The following SLC5A10 variants were observed in gnomAD, a reference collection of about 807,000 sequenced individuals.
The protein encoded by SLC5A10 is sodium/mannose cotransporter SLC5A10.
A neutral mutation model predicts 68.9 loss-of-function variants in SLC5A10; 55 were observed. The ratio of observed to expected loss-of-function variants is 0.80; its 90% CI spans 0.64 to 1.00. The LOEUF (loss-of-function observed/expected upper bound fraction) is 1.00, where lower values mean the gene tolerates loss of function less well. Ranked by LOEUF, SLC5A10 falls within the 50% of genes least tolerant of loss-of-function variation. SLC5A10 has a pLI of 0.00. For missense variants in SLC5A10, 732 were observed against 819.3 expected (o/e 0.89, Z 1.30); for synonymous variants, 344 against 344.8 (o/e 1.00, Z 0.02).
At chr17:18,988,179 A>C (rs1417839715) in intron 9 of SLC5A10, 5 of 1,570,106 alleles carry the variant, frequency 3.2e-6, no homozygotes, top group Non-Finnish European at 4.3e-6. Flanking sequence ...CAGGTACTCG[A>C]AGTGTTTGTT....
Position 19,020,447 on chromosome 17 carries a change from C to G in SLC5A10, c.*16C>G, listed in dbSNP as rs1292178742. ...CTTCGCCTGACACTGCCATCCTGGACAGAAAGGCAGGAGCTCTGAGTCCTC... is the reference window on the plus strand; with the variant it reads ...CTTCGCCTGACACTGCCATCCTGGAGAGAAAGGCAGGAGCTCTGAGTCCTC... On this transcript the variant is annotated 3_prime_UTR_variant, in exon 15 of 15. Coordinates refer to ENST00000395645, the MANE Select transcript of SLC5A10 (RefSeq NM_001042450.4). 6.2e-7 allele frequency: 1 copy of G among 1,611,728 alleles called. No individual in the cohort carries two copies. The highest frequency in any genetic ancestry group is 1.7e-5 in the Admixed American group (1 of 60,006).
chr17:18,990,763 A>T (rs2043399855), intron 9 of SLC5A10, among the ~76,000 whole-genome samples: 3 of 151,446 alleles, frequency 2.0e-5, no homozygotes, highest in Admixed American at 2.0e-4. Context: ...TGTAACAGGC[A>T]CGAGCTTATG....
At chr17:18,983,942 T>C (rs530334827) in intron 9 of SLC5A10, among the ~76,000 whole-genome samples, 1 of 152,310 alleles carries the variant, frequency 6.6e-6, no homozygotes, top group South Asian at 2.1e-4. Context: ...CCCGGCAGTG[T>C]AGGATGTTTA....
intron 5 of SLC5A10, 55 bp downstream of exon 5, chr17:18,960,707 G>A: frequency 1.3e-6 from 2 of 1,523,762 alleles, no homozygotes; most frequent in Non-Finnish European, 1.8e-6. Context: ...CCAATCTGTG[G>A]GCCCCTCAAG....
chr17:19,005,036 T>G (rs1390653266), intron 9 of SLC5A10, among the ~76,000 whole-genome samples: 1 of 152,200 alleles, frequency 6.6e-6, no homozygotes, highest in Non-Finnish European at 1.5e-5. Flanking sequence ...GGCACCCCCC[T>G]GTGCCCCCAG....
At chr17:19,008,011 T>C (rs1221310148) in intron 9 of SLC5A10, among the ~76,000 whole-genome samples, 1 of 152,338 alleles carries the variant, frequency 6.6e-6, no homozygotes, top group East Asian at 1.9e-4. Context: ...TAGTGCTCTT[T>C]GAGAAAGTTC....
At chr17:18,992,519 C>T (rs2043454204) in intron 9 of SLC5A10, among the ~76,000 whole-genome samples, 1 of 152,336 alleles carries the variant, frequency 6.6e-6, no homozygotes, top group South Asian at 2.1e-4. Context: ...TGGCTGCTGG[C>T]GTTGGGGGTG....
intron 4 of SLC5A10, 75 bp downstream of exon 4, chr17:18,959,738 A>T (rs2042574821): frequency 1.4e-6 from 2 of 1,389,814 alleles, no homozygotes; most frequent in Non-Finnish European, 2.0e-6. Flanking sequence ...GGGCAGGACC[A>T]CCGTGGCCTC....
chr17:19,009,433 T>C (rs1279536430), intron 9 of SLC5A10, among the ~76,000 whole-genome samples: 1 of 151,410 alleles, frequency 6.6e-6, no homozygotes, highest in Non-Finnish European at 1.5e-5. Flanking sequence ...ATTGGTCAGG[T>C]TGGTCTTGAA....
chr17:19,003,450 G>C lies in SLC5A10; in HGVS notation c.983-9960G>C. ...GTTGGGCTCCCGTTTTGGGCTCTGA[G>C]TGAGCCTGTATTGAGAGGGGTCCGG... On this transcript the variant is annotated intron_variant, in intron 9 of 14. Coordinates refer to ENST00000395645, the MANE Select transcript of SLC5A10 (RefSeq NM_001042450.4). The surrounding 1 kb of genome is among the most constrained non-coding windows in gnomAD (Gnocchi z 4.5). 6.9e-7 allele frequency: 1 copy of C among 1,455,156 alleles called. No homozygotes were observed. The highest frequency in any genetic ancestry group is 9.1e-7 in the Non-Finnish European group (1 of 1,099,322). The allele number at this position is 1,455,156 out of a possible 1,614,324, so 90.1% of individuals were successfully genotyped here. A position where few individuals can be genotyped will look rare whatever the true frequency, so the allele number is the denominator to read the frequency against.
In SLC5A10 at chr17:18,996,981, C is replaced by T. The variant is rs948039022; in HGVS notation, c.983-16429C>T. ...CCCACTCTAAGCCTCAGCTTCTCTTCTTGGTAACATGGGGAGTGAAACTGG... is the reference window on the plus strand; with the variant it reads ...CCCACTCTAAGCCTCAGCTTCTCTTTTTGGTAACATGGGGAGTGAAACTGG... On this transcript the variant is annotated intron_variant, in intron 9 of 14. Coordinates refer to ENST00000395645, the MANE Select transcript of SLC5A10 (RefSeq NM_001042450.4). The surrounding 1 kb of genome is among the most constrained non-coding windows in gnomAD (Gnocchi z 4.4). Among the ~76,000 whole-genome samples, 5 of 152,242 alleles carry T rather than the reference C, an allele frequency of 3.3e-5. No individual in the cohort carries two copies. Among genetic ancestry groups the T allele is most frequent in the African/African-American group, 1.2e-4 (5 of 41,466 alleles).
chr17:18,982,588 G>T (rs1480551063), intron 9 of SLC5A10, among the ~76,000 whole-genome samples: 2 of 152,214 alleles, frequency 1.3e-5, no homozygotes, highest in Non-Finnish European at 2.9e-5. Flanking sequence ...TCAGGGCAGG[G>T]GAGGACGGCC....
rs892936832 is a variant in SLC5A10 at position 18,996,097 on chromosome 17, G to C, written c.983-17313G>C. Among the ~76,000 whole-genome samples the C allele has an allele frequency of 1.3e-5, 2 of 149,222 alleles. No individual in the cohort carries two copies. Among genetic ancestry groups the C allele is most frequent in the African/African-American group, 2.5e-5 (1 of 40,264 alleles). The stretch of plus-strand genomic sequence containing the variant: ...GGACTTCTCATCAGAATCACTGCAA[G>C]CCACAAGACAACAGGCAATATCTTT... On this transcript the variant is annotated intron_variant, in intron 9 of 14. Coordinates refer to ENST00000395645, the MANE Select transcript of SLC5A10 (RefSeq NM_001042450.4). This position sits in a 1 kb window ranked among gnomAD's most constrained non-coding sequence, Gnocchi z 4.4.
intron 9 of SLC5A10, chr17:18,977,197 T>G (rs1283864468): frequency 1.5e-6 from 1 of 670,416 alleles, no homozygotes; most frequent in Non-Finnish European, 2.5e-6. Context: ...TATCACTTAC[T>G]GCTGTGTGAC....
chr17:19,019,863 T>C lies in SLC5A10; in HGVS notation c.1561T>C (p.Phe521Leu), dbSNP rs372303572. Residue 521 changes from phenylalanine (F) to leucine (L), a missense_variant, in exon 13 of 15, where the codon TTT becomes CTT. Transcript: ENST00000395645. ...IHYLHFAVAL[F>L]ALSGAVVVAG... ...CTACCTGCACTTCGCTGTCGCCCTC[T>C]TTGCACTCAGTGGTGCTGTTGTGGT... 6.2e-7 allele frequency: 1 copy of C among 1,613,296 alleles called. No homozygotes were observed. Among genetic ancestry groups the C allele is most frequent in the Admixed American group, 1.7e-5 (1 of 59,982 alleles).
intron 5 of SLC5A10, among the ~76,000 whole-genome samples, chr17:18,967,097 G>A (rs1173074521): frequency 1.3e-5 from 2 of 152,172 alleles, no homozygotes; most frequent in Non-Finnish European, 2.9e-5. Context: ...AGGAGTGCTC[G>A]GGCTGCAGGA....
At chr17:19,014,297 T>C (rs1003322809) in intron 10 of SLC5A10, among the ~76,000 whole-genome samples, 3 of 152,150 alleles carry the variant, frequency 2.0e-5, no homozygotes, top group Non-Finnish European at 4.4e-5. Flanking sequence ...TTGAGCATCC[T>C]TCCACCTTCC....
At chr17:18,958,866 C>A in intron 2 of SLC5A10, 113 bp downstream of exon 2, 1 of 1,282,664 alleles carries the variant, frequency 7.8e-7, no homozygotes, top group Admixed American at 2.0e-5. Context: ...TGGAGCAGGC[C>A]GGAGGCTGGC....
chr17:19,004,006 G>A lies in SLC5A10; in HGVS notation c.983-9404G>A. 1.9e-6 allele frequency: 3 copies of A among 1,610,866 alleles called. 1 individual carries two copies. Among genetic ancestry groups the A allele is most frequent in the Admixed American group, 1.7e-5 (1 of 59,822 alleles). ...ACTCGCTGGAGCGCCAGTTCACATG[G>A]TTGTCGTCCAGACACTGCACCTGAG... On this transcript the variant is annotated intron_variant, in intron 9 of 14. Transcript: ENST00000395645. The surrounding 1 kb of genome is among the most constrained non-coding windows in gnomAD (Gnocchi z 5.4).
Sources: allele counts gnomAD v4.1 joint callset (sites outside exome capture counted in the v4.1 genomes callset), GRCh38; gene constraint gnomAD v4.1.1; non-coding constraint Gnocchi (gnomAD v3.1); transcripts MANE v1.5; gene names NCBI Gene and HGNC (gene_info 2026-07-23, HGNC 2026-07-21).